BMP6: variants seen among roughly 807,000 people sequenced by gnomAD.
BMP6 encodes VG-1-R.
A neutral mutation model predicts 54.1 loss-of-function variants in BMP6; 17 were observed. The ratio of observed to expected loss-of-function variants is 0.31; its 90% confidence interval spans 0.22 to 0.47. The LOEUF (loss-of-function observed/expected upper bound fraction) is 0.47. BMP6 is among the 20% of genes least tolerant of loss of function. The probability of loss-of-function intolerance (pLI) is 1.00; values close to 1 mark genes in which losing one functional copy is unlikely to be tolerated. For synonymous variants in BMP6, 328 were observed against 291.2 expected (o/e 1.13, Z -1.28); for missense variants, 720 against 690.4 (o/e 1.04, Z -0.48).
At chr6:7,792,051 T>C (rs145579075) in intron 1 of BMP6, among the ~76,000 whole-genome samples, 1 of 152,026 alleles carries the variant, frequency 6.6e-6, no homozygotes, top group Non-Finnish European at 1.5e-5. Flanking sequence ...TTTTAAGGAA[T>C]TAATCTTGAG....
intron 1 of BMP6, among the ~76,000 whole-genome samples, chr6:7,788,478 C>T (rs563472362): frequency 3.3e-5 from 5 of 152,256 alleles, no homozygotes; most frequent in South Asian, 4.1e-4. Context: ...GGCTCAACAA[C>T]GGGGGACCCC....
intron 1 of BMP6, among the ~76,000 whole-genome samples, chr6:7,812,907 T>C (rs914430095): frequency 6.7e-5 from 10 of 150,284 alleles, no homozygotes; most frequent in Non-Finnish European, 3.0e-5. Flanking sequence ...TTTCCTGGGC[T>C]ACCTTTCTCT....
intron 4 of BMP6, among the ~76,000 whole-genome samples, chr6:7,864,111 C>A (rs1479903645): frequency 1.3e-5 from 2 of 152,134 alleles, no homozygotes; most frequent in African/African-American, 4.8e-5. Context: ...GTTCCCTCCC[C>A]ACAGCCAGTC....
intron 1 of BMP6, among the ~76,000 whole-genome samples, chr6:7,777,765 C>T (rs1757883101): frequency 6.6e-6 from 1 of 151,498 alleles, no homozygotes. Flanking sequence ...GTCCTCTGCA[C>T]AAACACACCT....
At chr6:7,832,597 T>TA (rs1220362421) in intron 1 of BMP6, among the ~76,000 whole-genome samples, 1 of 151,936 alleles carries the variant, frequency 6.6e-6, no homozygotes, top group Non-Finnish European at 1.5e-5. Context: ...AGTAGGTGGT[T>TA]AGAGGAGCAG....
At chr6:7,760,083 T>A (rs1581235696) in intron 1 of BMP6, among the ~76,000 whole-genome samples, 1 of 111,112 alleles carries the variant, frequency 9.0e-6, no homozygotes, top group African/African-American at 3.5e-5. Flanking sequence ...TTTTTTTTTT[T>A]AGATACAAGA....
intron 1 of BMP6, among the ~76,000 whole-genome samples, chr6:7,733,553 C>T (rs1761906184): frequency 6.6e-6 from 1 of 152,220 alleles, no homozygotes; most frequent in African/African-American, 2.4e-5. Flanking sequence ...TGCCCAGCAG[C>T]TGGGCTGCTC....
chr6:7,836,984 C>CA (rs958402328), intron 1 of BMP6, among the ~76,000 whole-genome samples: 4 of 151,858 alleles, frequency 2.6e-5, no homozygotes, highest in African/African-American at 7.2e-5. Flanking sequence ...GACCATGTTT[C>CA]AAAAAAAATT....
chr6:7,838,256 A>T lies in BMP6; in HGVS notation c.665-6884A>T, dbSNP rs528892615. Among the ~76,000 whole-genome samples, 25 of 152,234 alleles carry T rather than the reference A, an allele frequency of 1.6e-4. No homozygotes were observed. The East Asian group carries it at 4.6e-3, about 28-fold the overall frequency. ...TACTATGCCTAATTTATAAATTTAAATTTATTTTCCTAGGTATGCACGTAT... is the reference window on the plus strand; with the variant it reads ...TACTATGCCTAATTTATAAATTTAATTTTATTTTCCTAGGTATGCACGTAT... On this transcript the variant is annotated intron_variant, in intron 1 of 6. Coordinates refer to ENST00000283147, the MANE Select transcript of BMP6 (RefSeq NM_001718.6).
intron 1 of BMP6, among the ~76,000 whole-genome samples, chr6:7,763,700 C>T (rs1211231169): frequency 1.3e-5 from 2 of 152,140 alleles, no homozygotes; most frequent in Non-Finnish European, 2.9e-5. Flanking sequence ...AGTGGGGACA[C>T]TGCCCCTCCA....
Position 7,727,437 on chromosome 6 carries a change from G to T in BMP6, c.482G>T (p.Trp161Leu). Reference sequence around the variant, plus strand: ...TCGGAGGGGGAGAGGCAGCAGTCCTGGCCCCACGAAGCAGCCAGCTCGTCC... The same window carrying T: ...TCGGAGGGGGAGAGGCAGCAGTCCTTGCCCCACGAAGCAGCCAGCTCGTCC... ...GASEGERQQS[W>L]PHEAASSSQR... The change falls in exon 1 of 7, where the codon TGG becomes TTG. Residue 161 changes from tryptophan to leucine, a missense_variant. By Grantham distance (61) the Trp-to-Leu change is moderately conservative (BLOSUM62 -2). This residue lies in a region of BMP6 where 650 missense variants were observed against 556.3 expected (regional missense o/e 1.17). Transcript: ENST00000283147. 1 of 1,604,490 alleles carries T rather than the reference G, an allele frequency of 6.2e-7. No homozygotes were observed. Among genetic ancestry groups the T allele is most frequent in the South Asian group, 1.1e-5 (1 of 90,124 alleles).
In BMP6 at chr6:7,857,995, C is replaced by G. The variant is rs566599272; in HGVS notation, c.858-3456C>G. Among the ~76,000 whole-genome samples the G allele has an allele frequency of 4.6e-5, 7 of 152,294 alleles. No homozygotes were observed. The East Asian group carries it at 1.4e-3, about 29-fold the overall frequency. ...CACTGGGGCTCCACCACTATGCCAC[C>G]ATCTACAGCTGACACCAGCCACCTC... On this transcript the variant is annotated intron_variant, in intron 2 of 6. Coordinates refer to ENST00000283147, the MANE Select transcript of BMP6 (RefSeq NM_001718.6).
At chr6:7,752,287 GA>G (rs1413993852) in intron 1 of BMP6, among the ~76,000 whole-genome samples, 1 of 152,208 alleles carries the variant, frequency 6.6e-6, no homozygotes, top group African/African-American at 2.4e-5. Context: ...GCTGGCTCAT[GA>G]GCTGTAGCTT....
At chr6:7,799,781 A>G (rs1758242884) in intron 1 of BMP6, among the ~76,000 whole-genome samples, 2 of 151,954 alleles carry the variant, frequency 1.3e-5, no homozygotes, top group Non-Finnish European at 2.9e-5. Context: ...GCTTAAAAGC[A>G]TATTATCATA....
chr6:7,775,479 G>A lies in BMP6; in HGVS notation c.664+47860G>A, dbSNP rs924070567. Among the ~76,000 whole-genome samples, 2 of 152,186 alleles carry A rather than the reference G, an allele frequency of 1.3e-5. 1 individual carries two copies. The highest frequency in any genetic ancestry group is 1.3e-4 in the Admixed American group (2 of 15,288). On this transcript the variant is annotated intron_variant, in intron 1 of 6. Coordinates refer to ENST00000283147, the MANE Select transcript of BMP6 (RefSeq NM_001718.6). Reference sequence around the variant, plus strand: ...AAAGAATCTCCTGCATGCTCTCAAAGCATCATGCAGATTTTGGTTTTTATC... The same window carrying A: ...AAAGAATCTCCTGCATGCTCTCAAAACATCATGCAGATTTTGGTTTTTATC...
intron 1 of BMP6, among the ~76,000 whole-genome samples, chr6:7,837,075 T>C (rs1326700203): frequency 2.0e-5 from 3 of 152,252 alleles, no homozygotes; most frequent in African/African-American, 7.2e-5. Flanking sequence ...TGTAATTGCC[T>C]TAACTAATCT....
At chr6:7,771,119 ACCT>A (rs1757778979) in intron 1 of BMP6, among the ~76,000 whole-genome samples, 2 of 151,910 alleles carry the variant, frequency 1.3e-5, no homozygotes, top group African/African-American at 2.4e-5. Flanking sequence ...TTTATTTTTT[ACCT>A]CCTCTTCTCT....
chr6:7,875,435 T>TGG (rs1448999961), intron 4 of BMP6, among the ~76,000 whole-genome samples: 1 of 152,100 alleles, frequency 6.6e-6, no homozygotes, highest in East Asian at 1.9e-4. Flanking sequence ...CTCAGCACTT[T>TGG]GGGAGGCCAA....
chr6:7,825,009 T>G (rs528028743), intron 1 of BMP6, among the ~76,000 whole-genome samples: 66 of 152,226 alleles, frequency 4.3e-4, no homozygotes, highest in Non-Finnish European at 6.6e-4. Context: ...CACACCCTGT[T>G]GTATCATTGA....
Sources: gnomAD v4.1 joint callset for allele counts (sites outside exome capture counted in the v4.1 genomes callset) on GRCh38, gnomAD v4.1.1 for gene constraint, gnomAD v4.1.1 regional missense constraint, MANE v1.5 for transcripts, NCBI Gene and HGNC (gene_info 2026-07-23, HGNC 2026-07-21) for gene names.